SGCZ: variants seen among roughly 807,000 people sequenced by gnomAD.
SGCZ encodes sarcoglycan zeta.
In SGCZ, 40 loss-of-function variants were observed where a neutral mutation model predicts 41.3. The ratio of observed to expected loss-of-function variants is 0.97; its 90% CI spans 0.75 to 1.26. SGCZ has a LOEUF of 1.26. SGCZ is among the 50% of genes most tolerant of loss of function. SGCZ has a pLI of 0.00. For synonymous variants in SGCZ, 206 were observed against 137.5 expected, an observed-to-expected ratio of 1.50 and a Z score of -3.49; for missense variants, 552 against 369.8, an observed-to-expected ratio of 1.49 and a Z score of -4.04.
chr8:14,550,849 T>C (rs991108094), intron 2 of SGCZ, among the ~76,000 whole-genome samples: 2 of 152,030 alleles, frequency 1.3e-5, no homozygotes, highest in Non-Finnish European at 2.9e-5. Context: ...TAAAATGATC[T>C]CTTGTAATGT....
At chr8:14,189,580 T>C (rs1003421121) in intron 4 of SGCZ, among the ~76,000 whole-genome samples, 1 of 152,220 alleles carries the variant, frequency 6.6e-6, no homozygotes, top group East Asian at 1.9e-4. Flanking sequence ...CTCATTGTTT[T>C]ATTTAGCTTT....
chr8:14,154,731 A>C (rs1270714749), intron 5 of SGCZ, among the ~76,000 whole-genome samples: 6 of 152,150 alleles, frequency 3.9e-5, no homozygotes, highest in African/African-American at 4.8e-5. Flanking sequence ...AATTTGGTAC[A>C]GCTTCCTCCT....
chr8:14,136,631 T>A (rs1002886469), intron 5 of SGCZ, among the ~76,000 whole-genome samples: 5 of 152,014 alleles, frequency 3.3e-5, no homozygotes, highest in African/African-American at 9.7e-5. Flanking sequence ...CTTGACTAGG[T>A]AAACAAAGCT....
intron 1 of SGCZ, among the ~76,000 whole-genome samples, chr8:14,967,333 T>C (rs935842269): frequency 3.9e-5 from 6 of 152,172 alleles, no homozygotes; most frequent in East Asian, 1.9e-4. Context: ...GCTCCATCTC[T>C]GGTCTAACTG....
At position 14,127,975 on chromosome 8, in the gene SGCZ, A is replaced by G. The variant is rs192710098; in HGVS notation, c.548-19740T>C. Among the ~76,000 whole-genome samples the G allele has an allele frequency of 6.2e-3, 950 of 152,300 alleles. 7 individuals are homozygous for G. The highest frequency in any genetic ancestry group is 0.022 in the African/African-American group (903 of 41,564). ...GTCTGTTGTTTCCTTCTTTGTATAC[A>G]TAAGTTCTTATCATTTAGCTCCCAC... On this transcript the variant is annotated intron_variant, in intron 5 of 7. Transcript: ENST00000382080.
At chr8:14,092,696 C>T (rs1056308967) in intron 7 of SGCZ, among the ~76,000 whole-genome samples, 1 of 152,028 alleles carries the variant, frequency 6.6e-6, no homozygotes, top group African/African-American at 2.4e-5. Flanking sequence ...TCTCTCTTGC[C>T]TGCCACCACA....
chr8:14,807,617 G>T (rs924963273), intron 1 of SGCZ, among the ~76,000 whole-genome samples: 4 of 151,686 alleles, frequency 2.6e-5, no homozygotes, highest in Non-Finnish European at 4.4e-5. Flanking sequence ...CATGCTCAAG[G>T]GTAGGAAGAA....
At chr8:14,695,289 C>G (rs1274275595) in intron 1 of SGCZ, among the ~76,000 whole-genome samples, 1 of 151,826 alleles carries the variant, frequency 6.6e-6, no homozygotes, top group Non-Finnish European at 1.5e-5. Context: ...AAACCTATAA[C>G]CATAAAGAAA....
chr8:14,992,505 C>A lies in SGCZ; in HGVS notation c.39+245080G>T, dbSNP rs139338198. On this transcript the variant is annotated intron_variant, in intron 1 of 7. Transcript: ENST00000382080. Reference sequence around the variant, plus strand: ...ACTCCCAAAACCAGTGTTACCCTTGCTATTTACCTCTCACCCTCAACTATT... The same window carrying A: ...ACTCCCAAAACCAGTGTTACCCTTGATATTTACCTCTCACCCTCAACTATT... Among the ~76,000 whole-genome samples the A allele has an allele frequency of 2.6e-3, 373 of 143,264 alleles. 4 individuals are homozygous for A. The highest frequency in any genetic ancestry group is 0.017 in the South Asian group (71 of 4,192). 94.0% of individuals were successfully genotyped at this position (143,264 alleles called of 152,430 possible).
intron 1 of SGCZ, among the ~76,000 whole-genome samples, chr8:15,080,267 C>T (rs1364037170): frequency 2.0e-5 from 3 of 151,914 alleles, no homozygotes; most frequent in East Asian, 3.9e-4. Flanking sequence ...TTAGAAGCTC[C>T]AATACTGCTC....
intron 1 of SGCZ, among the ~76,000 whole-genome samples, chr8:14,912,316 C>G (rs1483057594): frequency 6.6e-6 from 1 of 151,742 alleles, no homozygotes; most frequent in Non-Finnish European, 1.5e-5. Context: ...TGAGCCCTAC[C>G]CAAAATGACA....
intron 1 of SGCZ, among the ~76,000 whole-genome samples, chr8:14,661,756 A>G (rs1017303693): frequency 6.6e-6 from 1 of 152,102 alleles, no homozygotes; most frequent in African/African-American, 2.4e-5. Flanking sequence ...TGAATGGGAG[A>G]AGAAAATTTA....
chr8:14,894,044 C>T (rs1193721394), intron 1 of SGCZ, among the ~76,000 whole-genome samples: 1 of 152,050 alleles, frequency 6.6e-6, no homozygotes, highest in East Asian at 1.9e-4. Context: ...AAATGAGACT[C>T]AAGTCCCTTC....
intron 1 of SGCZ, among the ~76,000 whole-genome samples, chr8:15,094,310 T>C (rs1806257343): frequency 6.6e-6 from 1 of 152,054 alleles, no homozygotes; most frequent in African/African-American, 2.4e-5. Context: ...AATTTTTGTA[T>C]CTTTAGTAGA....
intron 1 of SGCZ, among the ~76,000 whole-genome samples, chr8:14,745,767 G>A (rs1184908279): frequency 6.6e-6 from 1 of 151,820 alleles, no homozygotes; most frequent in African/African-American, 2.4e-5. Context: ...GGGGAAAGAG[G>A]AAAAATCTGT....
At chr8:14,642,192 C>A (rs1807047887) in intron 1 of SGCZ, among the ~76,000 whole-genome samples, 1 of 151,582 alleles carries the variant, frequency 6.6e-6, no homozygotes, top group South Asian at 2.1e-4. Context: ...TCCTTGTCCT[C>A]TTTTAGGATG....
intron 1 of SGCZ, among the ~76,000 whole-genome samples, chr8:14,581,454 T>C (rs938440026): frequency 1.3e-5 from 2 of 151,900 alleles, no homozygotes; most frequent in Admixed American, 6.6e-5. Context: ...TTTTTGTTTT[T>C]TTTTTTCCCC....
intron 5 of SGCZ, among the ~76,000 whole-genome samples, chr8:14,108,851 C>G (rs1279885126): frequency 2.6e-5 from 4 of 152,216 alleles, no homozygotes; most frequent in African/African-American, 9.7e-5. Flanking sequence ...TTCCCACTCT[C>G]TCTTTAAAGA....
Position 14,920,327 on chromosome 8 carries a change from A to G in SGCZ, c.39+317258T>C, listed in dbSNP as rs572834956. Among the ~76,000 whole-genome samples the G allele has an allele frequency of 5.9e-5, 9 of 152,328 alleles. No individual in the cohort carries two copies. In the South Asian group the frequency reaches 8.3e-4, roughly 14 times the overall value. Reference sequence around the variant, plus strand: ...AATGATTCATGGATCACATGCCAGCAAATCTGTCACTTCAGATACCACTGT... The same window carrying G: ...AATGATTCATGGATCACATGCCAGCGAATCTGTCACTTCAGATACCACTGT... On this transcript the variant is annotated intron_variant, in intron 1 of 7. Transcript: ENST00000382080.
Sources: allele counts gnomAD v4.1 joint callset (sites outside exome capture counted in the v4.1 genomes callset), GRCh38; gene constraint gnomAD v4.1.1; transcripts MANE v1.5; gene names NCBI Gene and HGNC (gene_info 2026-07-23, HGNC 2026-07-21).